Variants in NELL1 observed in about 807,000 individuals in gnomAD.
NELL1 encodes the protein protein kinase C-binding protein NELL1.
NELL1 carries 76 observed loss-of-function variants against 107.4 expected under a neutral mutation model. The observed-to-expected ratio is 0.71, with a 90% CI of 0.59 to 0.86. The LOEUF is 0.86. Ranked by LOEUF, NELL1 falls within the 40% of genes least tolerant of loss-of-function variation. NELL1 has a pLI of 0.00. For synonymous variants in NELL1, 353 were observed against 341.2 expected (o/e 1.03, Z -0.38); for missense variants, 1,024 against 1,005.5 (o/e 1.02, Z -0.25).
intron 13 of NELL1, among the ~76,000 whole-genome samples, chr11:21,211,336 T>C (rs201442150): frequency 1.3e-5 from 2 of 152,042 alleles, no homozygotes; most frequent in Non-Finnish European, 2.9e-5. Context: ...AAAGGAACTT[T>C]TGAGGCAGGA....
intron 11 of NELL1, among the ~76,000 whole-genome samples, chr11:20,949,561 T>C (rs1376575679): frequency 6.6e-6 from 1 of 152,228 alleles, no homozygotes; most frequent in Non-Finnish European, 1.5e-5. Flanking sequence ...AAATCCTTTC[T>C]GATTTATGGT....
At chr11:20,746,967 C>T (rs1353039848) in intron 2 of NELL1, among the ~76,000 whole-genome samples, 3 of 152,160 alleles carry the variant, frequency 2.0e-5, no homozygotes, top group East Asian at 3.9e-4. Flanking sequence ...TCTTTGCCCT[C>T]GAAAGGAGAA....
At chr11:21,284,435 A>T (rs1398365897) in intron 14 of NELL1, 1 of 457,686 alleles carries the variant, frequency 2.2e-6, no homozygotes, top group Admixed American at 2.3e-5. Context: ...CAAAAAAGTG[A>T]TGGCTGTGCA....
At chr11:20,736,448 C>A (rs151036983) in intron 2 of NELL1, among the ~76,000 whole-genome samples, 1 of 149,426 alleles carries the variant, frequency 6.7e-6, no homozygotes, top group Non-Finnish European at 1.5e-5. Context: ...GGCATTTAGC[C>A]CAGCGTCAAA....
chr11:21,392,479 G>A (rs1169228123), intron 15 of NELL1, among the ~76,000 whole-genome samples: 1 of 151,638 alleles, frequency 6.6e-6, no homozygotes, highest in Non-Finnish European at 1.5e-5. Context: ...TTTCTCCTGT[G>A]TGCTTTACCC....
intron 14 of NELL1, among the ~76,000 whole-genome samples, chr11:21,367,261 TACACACACACAC>T (rs72275889): frequency 0.022 from 3,173 of 145,212 alleles, 49 homozygotes; most frequent in Non-Finnish European, 0.033. Context: ...TTTATCTTAC[TACACACACACAC>T]ACACACACAC....
intron 13 of NELL1, among the ~76,000 whole-genome samples, chr11:21,168,178 T>C (rs928117775): frequency 6.6e-6 from 1 of 151,824 alleles, no homozygotes; most frequent in African/African-American, 2.4e-5. Flanking sequence ...TAAAAATCAC[T>C]GTGTTGGAAG....
intron 12 of NELL1, among the ~76,000 whole-genome samples, chr11:21,046,301 T>C (rs939035692): frequency 6.6e-6 from 1 of 152,178 alleles, no homozygotes; most frequent in African/African-American, 2.4e-5. Flanking sequence ...CTAATCAACA[T>C]CAAGTTAACA....
At chr11:21,432,107 G>C (rs545614992) in intron 15 of NELL1, among the ~76,000 whole-genome samples, 204 of 152,178 alleles carry the variant, frequency 1.3e-3, no homozygotes, top group Non-Finnish European at 2.4e-3. Flanking sequence ...TTTTAGTTCT[G>C]GCTCAAGTGG....
rs565905467 is a variant in NELL1, at chr11:20,954,394, T to C, written c.1172-6038T>C. 6.6e-5 allele frequency among the ~76,000 whole-genome samples: 10 copies of C among 152,308 alleles called. No individual in the cohort carries two copies. In the South Asian group the frequency reaches 2.1e-3, roughly 32 times the overall value. ...CCTGCTCCTATCAAGTTTCTACCTA[T>C]TACAGTTTTTTGTTATCTTGAAATG... On this transcript the variant is annotated intron_variant, in intron 11 of 19. Coordinates refer to ENST00000357134, the MANE Select transcript of NELL1 (RefSeq NM_006157.5).
chr11:21,559,774 G>A (rs12099150), intron 16 of NELL1, among the ~76,000 whole-genome samples: 2,713 of 152,184 alleles, frequency 0.018, 89 homozygotes, highest in African/African-American at 0.062. Flanking sequence ...CTCCATGGTG[G>A]TGTGTGCATA....
At chr11:21,142,255 C>G (rs1209789123) in intron 13 of NELL1, among the ~76,000 whole-genome samples, 1 of 152,146 alleles carries the variant, frequency 6.6e-6, no homozygotes, top group African/African-American at 2.4e-5. Context: ...AGAAACATGC[C>G]TTGGTGGTAA....
intron 16 of NELL1, among the ~76,000 whole-genome samples, chr11:21,535,511 G>T (rs1257707914): frequency 1.3e-5 from 2 of 152,136 alleles, no homozygotes; most frequent in African/African-American, 2.4e-5. Context: ...AAGCAAAGAT[G>T]AATTACAGAA....
At chr11:20,710,261 G>T (rs1377203153) in intron 2 of NELL1, among the ~76,000 whole-genome samples, 4 of 152,186 alleles carry the variant, frequency 2.6e-5, no homozygotes, top group South Asian at 2.1e-4. Context: ...TAATCATAAA[G>T]TGATGCTAGA....
At chr11:21,553,481 T>C (rs2133992955) in intron 16 of NELL1, among the ~76,000 whole-genome samples, 1 of 151,970 alleles carries the variant, frequency 6.6e-6, no homozygotes, top group East Asian at 2.0e-4. Context: ...GCTCTTATTC[T>C]GTCACCACTC....
intron 15 of NELL1, among the ~76,000 whole-genome samples, chr11:21,439,332 G>C (rs10500908): frequency 0.044 from 6,651 of 152,194 alleles, 166 homozygotes; most frequent in South Asian, 0.059. Flanking sequence ...TTTTAATCTA[G>C]ACTGTACCCA....
chr11:21,332,964 C>T (rs549806974), intron 14 of NELL1, among the ~76,000 whole-genome samples: 10 of 152,006 alleles, frequency 6.6e-5, no homozygotes, highest in African/African-American at 2.4e-4. Context: ...TTTCTTTAAA[C>T]AACTTGTAGA....
intron 3 of NELL1, among the ~76,000 whole-genome samples, chr11:20,801,941 T>C (rs915647628): frequency 6.6e-6 from 1 of 152,194 alleles, no homozygotes; most frequent in African/African-American, 2.4e-5. Flanking sequence ...CATTGGTCTA[T>C]GTGTCTGTTT....
At chr11:21,099,942 A>T (rs1184559680) in intron 12 of NELL1, among the ~76,000 whole-genome samples, 2 of 152,172 alleles carry the variant, frequency 1.3e-5, no homozygotes, top group East Asian at 3.9e-4. Context: ...AAGGGTACAA[A>T]TCAATGGGAT....
Sources: allele counts gnomAD v4.1 joint callset (sites outside exome capture counted in the v4.1 genomes callset), GRCh38; gene constraint gnomAD v4.1.1; transcripts MANE v1.5; gene names NCBI Gene and HGNC (gene_info 2026-07-23, HGNC 2026-07-21).